Variants in SDK1 observed in about 807,000 individuals in gnomAD.
SDK1 encodes the protein protein sidekick-1.
Under a neutral mutation model 245.5 loss-of-function variants are expected in SDK1, and 157 were observed. The ratio of observed to expected loss-of-function variants is 0.64; its 90% CI spans 0.56 to 0.73. The LOEUF (loss-of-function observed/expected upper bound fraction) is 0.73, where lower values mean the gene tolerates loss of function less well. Ranked by LOEUF, SDK1 falls within the 30% of genes least tolerant of loss-of-function variation. SDK1 has a pLI of 0.00. For synonymous variants in SDK1, 1,647 were observed against 1,278.5 expected (o/e 1.29, Z -6.15); for missense variants, 3,583 against 3,002.3 (o/e 1.19, Z -4.52).
intron 4 of SDK1, among the ~76,000 whole-genome samples, chr7:3,750,952 CTG>C (rs1223821034): frequency 6.6e-6 from 1 of 152,258 alleles, no homozygotes; most frequent in Non-Finnish European, 1.5e-5. Flanking sequence ...CTTTATGCGA[CTG>C]TTTTACCTCC....
intron 1 of SDK1, among the ~76,000 whole-genome samples, chr7:3,366,695 CT>C (rs1198593872): frequency 6.6e-6 from 1 of 151,974 alleles, no homozygotes; most frequent in African/African-American, 2.4e-5. Context: ...TGGTTCATGT[CT>C]TTTGCCTATT....
At chr7:3,969,493 T>C in intron 11 of SDK1, 69 bp downstream of exon 11, 1 of 1,274,448 alleles carries the variant, frequency 7.8e-7, no homozygotes. Context: ...TCGTGTGCTT[T>C]GGGGATGTCA....
chr7:3,821,134 G>A (rs1779635000), intron 4 of SDK1, among the ~76,000 whole-genome samples: 1 of 152,270 alleles, frequency 6.6e-6, no homozygotes, highest in African/African-American at 2.4e-5. Context: ...TGCATTCTCA[G>A]AGGAGGAACC....
Position 3,674,485 on chromosome 7 carries a change from G to A in SDK1, c.713+32380G>A, listed in dbSNP as rs185417484. ...AATACAGGGGCCTTTGCTGAGGCTG[G>A]TCTTTGAGTCACAGAAAGCACAATG... On this transcript the variant is annotated intron_variant, in intron 4 of 44. Coordinates refer to ENST00000404826, the MANE Select transcript of SDK1 (RefSeq NM_152744.4). Among the ~76,000 whole-genome samples the A allele has an allele frequency of 3.4e-3, 524 of 152,230 alleles. 3 individuals are homozygous for A. The highest frequency in any genetic ancestry group is 5.8e-3 in the Non-Finnish European group (396 of 68,010).
chr7:3,801,567 TC>T (rs2115035721), intron 4 of SDK1, among the ~76,000 whole-genome samples: 1 of 152,294 alleles, frequency 6.6e-6, no homozygotes, highest in Non-Finnish European at 1.5e-5. Context: ...AGCAACCAGA[TC>T]ATCAGGTTTG....
chr7:3,745,150 A>G (rs184267927), intron 4 of SDK1, among the ~76,000 whole-genome samples: 5 of 152,306 alleles, frequency 3.3e-5, no homozygotes, highest in Admixed American at 6.5e-5. Context: ...AATTATATCA[A>G]TTTTACTTAG....
chr7:4,255,113 CTCT>C (rs1208725590), intron 44 of SDK1, among the ~76,000 whole-genome samples: 5 of 152,214 alleles, frequency 3.3e-5, no homozygotes, highest in Non-Finnish European at 7.3e-5. Flanking sequence ...ACTAAGAGGC[CTCT>C]TCTTAGCTTC....
chr7:4,200,317 C>G (rs775135707), intron 35 of SDK1, among the ~76,000 whole-genome samples: 4 of 152,328 alleles, frequency 2.6e-5, no homozygotes, highest in Non-Finnish European at 5.9e-5. Context: ...TGGCTGAGGC[C>G]GGCACCTTCC....
Position 3,702,412 on chromosome 7 carries a change from G to A in SDK1, c.713+60307G>A, listed in dbSNP as rs1258203737. Among the ~76,000 whole-genome samples, 3 of 152,188 alleles carry A rather than the reference G, an allele frequency of 2.0e-5. No homozygotes were observed. In the East Asian group the frequency reaches 5.8e-4, roughly 29 times the overall value. ...CAACTCACTTCTTGGAAGTGATGATGGAAGTGTGTATTCGTGGCTCCTGCA... is the reference window on the plus strand; with the variant it reads ...CAACTCACTTCTTGGAAGTGATGATAGAAGTGTGTATTCGTGGCTCCTGCA... On this transcript the variant is annotated intron_variant, in intron 4 of 44. Coordinates refer to ENST00000404826, the MANE Select transcript of SDK1 (RefSeq NM_152744.4).
chr7:4,105,948 A>G (rs907590149), intron 22 of SDK1, among the ~76,000 whole-genome samples: 5 of 152,222 alleles, frequency 3.3e-5, no homozygotes, highest in Admixed American at 2.6e-4. Context: ...TAATGGAGCC[A>G]TGTGGCACCT....
intron 4 of SDK1, among the ~76,000 whole-genome samples, chr7:3,771,406 C>T (rs1439662188): frequency 6.6e-6 from 1 of 152,098 alleles, no homozygotes; most frequent in Non-Finnish European, 1.5e-5. Flanking sequence ...ATTCATATTG[C>T]AAAGAGCAGA....
At chr7:3,417,199 A>G (rs1779391002) in intron 1 of SDK1, among the ~76,000 whole-genome samples, 1 of 152,172 alleles carries the variant, frequency 6.6e-6, no homozygotes, top group South Asian at 2.1e-4. Flanking sequence ...CAAAAAAACT[A>G]GCGAGCCCTA....
chr7:4,024,334 A>C (rs1306274661), intron 17 of SDK1, among the ~76,000 whole-genome samples: 1 of 152,092 alleles, frequency 6.6e-6, no homozygotes, highest in Non-Finnish European at 1.5e-5. Context: ...GAAATTCTCA[A>C]TGTGGCATTA....
At chr7:3,801,287 C>G (rs1427446221) in intron 4 of SDK1, among the ~76,000 whole-genome samples, 1 of 152,170 alleles carries the variant, frequency 6.6e-6, no homozygotes, top group African/African-American at 2.4e-5. Context: ...GAAAACTTTT[C>G]TAATATGTCT....
At chr7:3,632,336 G>C (rs559576481) in intron 2 of SDK1, among the ~76,000 whole-genome samples, 1 of 152,136 alleles carries the variant, frequency 6.6e-6, no homozygotes, top group Non-Finnish European at 1.5e-5. Context: ...TCACATAAAC[G>C]GGAATCCCAG....
chr7:3,925,851 C>G (rs1458149734), intron 5 of SDK1, among the ~76,000 whole-genome samples: 1 of 152,200 alleles, frequency 6.6e-6, no homozygotes, highest in East Asian at 1.9e-4. Context: ...CATTGGCACT[C>G]CCCCTTTTCC....
At chr7:3,524,213 C>T (rs763345952) in intron 1 of SDK1, among the ~76,000 whole-genome samples, 15 of 152,116 alleles carry the variant, frequency 9.9e-5, no homozygotes, top group Non-Finnish European at 1.9e-4. Flanking sequence ...GTCAGGGGCA[C>T]CAGTTTGTAT....
At chr7:3,868,104 G>A (rs372420873) in intron 5 of SDK1, among the ~76,000 whole-genome samples, 14 of 152,186 alleles carry the variant, frequency 9.2e-5, no homozygotes, top group Admixed American at 4.6e-4. Context: ...GCTGTGTGGC[G>A]TGGAAAGTTC....
Position 3,567,195 on chromosome 7 carries a change from T to C in SDK1, c.299-51885T>C, listed in dbSNP as rs145166729. 2.2e-4 allele frequency among the ~76,000 whole-genome samples: 33 copies of C among 152,346 alleles called. 1 individual carries two copies. In the East Asian group the frequency reaches 4.6e-3, roughly 21 times the overall value. On this transcript the variant is annotated intron_variant, in intron 1 of 44. Coordinates refer to ENST00000404826, the MANE Select transcript of SDK1 (RefSeq NM_152744.4). ...GAGGATTTGGTCACTTTTCGTGTTA[T>C]CTACTTAAGGAGAACAGTGCTTTGA...
Sources: allele counts gnomAD v4.1 joint callset (sites outside exome capture counted in the v4.1 genomes callset), GRCh38; gene constraint gnomAD v4.1.1; transcripts MANE v1.5; gene names NCBI Gene and HGNC (gene_info 2026-07-23, HGNC 2026-07-21).